Variants in KRT82 observed in about 807,000 individuals in gnomAD.
The protein encoded by KRT82 is keratin, type II cuticular Hb2.
A neutral mutation model predicts 48.0 loss-of-function variants in KRT82; 44 were observed. That is an observed-to-expected ratio of 0.92 (90% confidence interval 0.72 to 1.18). The LOEUF (loss-of-function observed/expected upper bound fraction) is 1.18. Ranked by LOEUF, KRT82 falls within the 50% of genes most tolerant of loss-of-function variation. The pLI, the probability that KRT82 is intolerant of heterozygous loss-of-function variation, is 0.00. For synonymous variants in KRT82, 297 were observed against 278.3 expected, an observed-to-expected ratio of 1.07 and a Z score of -0.67; for missense variants, 701 against 671.4, an observed-to-expected ratio of 1.04 and a Z score of -0.49.
chr12:52,395,562 G>A (rs989885178), intron 8 of KRT82, among the ~76,000 whole-genome samples, 197 bp downstream of exon 8: 3 of 152,128 alleles, frequency 2.0e-5, no homozygotes, highest in African/African-American at 7.2e-5. Flanking sequence ...CCATGTTGTT[G>A]CAAATCTGCT....
chr12:52,396,139 C>T lies in KRT82; in HGVS notation c.1162G>A (p.Ala388Thr), dbSNP rs1276491423. 6.2e-7 allele frequency: 1 copy of T among 1,614,104 alleles called. No individual in the cohort carries two copies. Among genetic ancestry groups the T allele is most frequent in the African/African-American group, 1.3e-5 (1 of 74,932 alleles). The change falls in exon 7 of 9, where the codon GCT becomes ACT. Residue 388 changes from alanine (A) to threonine (T), a missense_variant. Physicochemically the swap from Ala to Thr is moderately conservative, Grantham distance 58. Transcript: ENST00000257974. ...AKCKLAGLEE[A>T]LQKAKQDMAC... ...ATGTCCTGCTTGGCCTTCTGCAGAG[C>T]CTCCTCCAGCCCTGCCAGCTTGCAC...
chr12:52,403,251 G>A (rs1939811761), intron 2 of KRT82, among the ~76,000 whole-genome samples: 1 of 152,202 alleles, frequency 6.6e-6, no homozygotes, highest in Admixed American at 6.5e-5. Flanking sequence ...GAGAAAAGGT[G>A]GGCTGTGGTA....
chr12:52,396,976 G>A lies in KRT82; in HGVS notation c.975C>T (p.His325=), dbSNP rs752729125. The A allele has an allele frequency of 6.2e-7, 1 of 1,614,020 alleles. No homozygotes were observed. The highest frequency in any genetic ancestry group is 1.1e-5 in the South Asian group (1 of 91,080). ...TCTTACGGTTGCGGAGGTTGTCACA[G>A]TGGTTCCCAGCTGTGACTCTCAGCT... is the stretch of plus-strand genomic sequence containing the variant. ...YEELRVTAGN[H]CDNLRNRKNE... Residue 325 remains histidine, a synonymous_variant, in exon 6 of 9, where the codon CAC becomes CAT. Coordinates refer to ENST00000257974, the MANE Select transcript of KRT82 (RefSeq NM_033033.4).
In KRT82 at chr12:52,403,538, G is replaced by A. The variant is rs113039366; in HGVS notation, c.620+163C>T. 4.2e-3 allele frequency among the ~76,000 whole-genome samples: 635 copies of A among 152,290 alleles called. 6 individuals carry two copies. Among genetic ancestry groups the A allele is most frequent in the African/African-American group, 0.014 (601 of 41,556 alleles). On this transcript the variant is annotated intron_variant, in intron 2 of 8. Coordinates refer to ENST00000257974, the MANE Select transcript of KRT82 (RefSeq NM_033033.4). ...AATACACAGTCTCAGAGCTCCTACC[G>A]TGTGCCAAGTGGGGTGCCCTGCTGA...
intron 8 of KRT82, 43 bp from the exon 9 acceptor site, chr12:52,395,238 G>C (rs1156864887): frequency 1.3e-6 from 2 of 1,539,976 alleles, no homozygotes; most frequent in Non-Finnish European, 1.8e-6. Flanking sequence ...ACACGGTGTG[G>C]CTCTCAGTGT....
At chr12:52,395,285 A>C (rs991453643) in intron 8 of KRT82, 90 bp from the exon 9 acceptor site, 3 of 1,003,664 alleles carry the variant, frequency 3.0e-6, no homozygotes, top group Non-Finnish European at 3.0e-6. Flanking sequence ...CATTCCTCCC[A>C]CCTCCTGCCA....
chr12:52,395,673 C>A lies in KRT82; in HGVS notation c.1321+86G>T, dbSNP rs1939702337. ...TTGGGGTAGGGGAGGCATCAGAGGTCTAGGAAGGGGTGGTGTGGGCTGCCT... is the reference window on the plus strand; with the variant it reads ...TTGGGGTAGGGGAGGCATCAGAGGTATAGGAAGGGGTGGTGTGGGCTGCCT... On this transcript the variant is annotated intron_variant, in intron 8 of 8. Transcript: ENST00000257974. The A allele has an allele frequency of 1.5e-5, 15 of 1,006,710 alleles. No individual in the cohort carries two copies. The South Asian group carries it at 2.2e-4, about 15-fold the overall frequency. The allele number at this position is 1,006,710 out of a possible 1,614,324, so 62.4% of individuals were successfully genotyped here.
chr12:52,399,934 C>T (rs753224873), intron 5 of KRT82, 51 bp downstream of exon 5: 80 of 1,584,342 alleles, frequency 5.0e-5, no homozygotes, highest in Non-Finnish European at 6.7e-5. Flanking sequence ...TCCTCCCCTC[C>T]CCTGGTTTGT....
chr12:52,397,139 G>T, intron 5 of KRT82, 131 bp from the exon 6 acceptor site: 1 of 1,179,070 alleles, frequency 8.5e-7, no homozygotes. Flanking sequence ...TACTGGTTCT[G>T]CTCCTTTACC....
chr12:52,399,415 T>G (rs1177636053), intron 5 of KRT82, among the ~76,000 whole-genome samples: 1 of 152,172 alleles, frequency 6.6e-6, no homozygotes, highest in Admixed American at 6.5e-5. Flanking sequence ...GTTGAATGAG[T>G]GGACCAATGA....
intron 5 of KRT82, 61 bp downstream of exon 5, chr12:52,399,924 T>C: frequency 6.5e-7 from 1 of 1,545,720 alleles, no homozygotes; most frequent in Non-Finnish European, 8.9e-7. Context: ...AGTCTGGGGG[T>C]CCTCCCCTCC....
chr12:52,404,123 C>A (rs554385342), intron 1 of KRT82, among the ~76,000 whole-genome samples: 1 of 152,168 alleles, frequency 6.6e-6, no homozygotes, highest in Non-Finnish European at 1.5e-5. Flanking sequence ...CCCTACTTTC[C>A]ACTCAGAGGT....
chr12:52,400,032 T>C lies in KRT82; in HGVS notation c.895A>G (p.Ile299Val), dbSNP rs1213059484. The change falls in exon 5 of 9, where the codon ATC becomes GTC. Residue 299 changes from isoleucine to valine, a missense_variant. Physicochemically the swap from Ile to Val is conservative, Grantham distance 29 (BLOSUM62 3). Transcript: ENST00000257974. ...GCTTCGGCTTTGCTGCGGCTGGCGATGTCGTCATACTGCGCCTTGATCTCA... is the reference window on the plus strand; with the variant it reads ...GCTTCGGCTTTGCTGCGGCTGGCGACGTCGTCATACTGCGCCTTGATCTCA... ...IAEIKAQYDDIASRSKAEAEA... is the reference protein window; with the variant it reads ...IAEIKAQYDDVASRSKAEAEA... 3 of 1,614,206 alleles carry C rather than the reference T, an allele frequency of 1.9e-6. No individual in the cohort carries two copies. The Admixed American group carries it at 5.0e-5, about 27-fold the overall frequency.
At chr12:52,397,819 G>T (rs1939734881) in intron 5 of KRT82, among the ~76,000 whole-genome samples, 1 of 152,164 alleles carries the variant, frequency 6.6e-6, no homozygotes, top group Non-Finnish European at 1.5e-5. Context: ...GGCTGAGGCG[G>T]GCAGATCATT....
intron 2 of KRT82, 133 bp from the exon 3 acceptor site, chr12:52,401,482 G>A (rs1211948652): frequency 2.6e-6 from 2 of 783,864 alleles, no homozygotes; most frequent in Non-Finnish European, 4.3e-6. Context: ...GTCCAGCCCT[G>A]TCTTGGCAAC....
chr12:52,396,344 G>A (rs776699140), intron 6 of KRT82, 112 bp from the exon 7 acceptor site: 32 of 1,003,564 alleles, frequency 3.2e-5, no homozygotes, highest in Non-Finnish European at 3.7e-5. Flanking sequence ...ACATTTGCGA[G>A]CTTCATCCTA....
At chr12:52,398,298 G>C (rs1939740543) in intron 5 of KRT82, among the ~76,000 whole-genome samples, 1 of 152,016 alleles carries the variant, frequency 6.6e-6, no homozygotes, top group African/African-American at 2.4e-5. Context: ...TGTGAGATTG[G>C]AGGTGCTGCA....
chr12:52,395,198 G>C lies in KRT82; in HGVS notation c.1322-3C>G, dbSNP rs1939696271. The C allele has an allele frequency of 6.2e-7, 1 of 1,612,802 alleles. No homozygotes were observed. ...GGCGCCTTTGGAGCTGCTCACTGCT[G>C]TGGGAACAGGAAGGGGTGCTCAGGG... is the stretch of plus-strand genomic sequence containing the variant. On this transcript the variant is annotated splice_polypyrimidine_tract_variant and splice_region_variant and intron_variant, in intron 8 of 8. Coordinates refer to ENST00000257974, the MANE Select transcript of KRT82 (RefSeq NM_033033.4).
rs893759544 is a variant in KRT82, at chr12:52,405,989, T to C, written c.289A>G (p.Ile97Val). The C allele has an allele frequency of 1.2e-6, 2 of 1,614,196 alleles. No homozygotes were observed. The highest frequency in any genetic ancestry group is 1.7e-6 in the Non-Finnish European group (2 of 1,180,026). ...AGTGGGACCAGCAGGCTCTCATTGA[T>C]GGTGACAGGGGTGATGCAGGCAGAA... ...GPSACITPVT[I>V]NESLLVPLAL... is the part of the protein sequence containing the mutation. The change falls in exon 1 of 9, where the codon ATC becomes GTC. Residue 97 changes from isoleucine to valine, a missense_variant. Transcript: ENST00000257974.
Sources: gnomAD v4.1 joint callset for allele counts (sites outside exome capture counted in the v4.1 genomes callset) on GRCh38, gnomAD v4.1.1 for gene constraint, MANE v1.5 for transcripts, NCBI Gene and HGNC (gene_info 2026-07-23, HGNC 2026-07-21) for gene names.